The following RRP1B variants were observed in gnomAD, a reference collection of about 807,000 sequenced individuals.
RRP1B encodes the protein ribosomal RNA processing 1B, also known as ribosomal RNA processing protein 1 homolog B.
RRP1B carries 56 observed loss-of-function variants against 80.2 expected under a neutral mutation model. The ratio of observed to expected loss-of-function variants is 0.70; its 90% CI spans 0.56 to 0.87. The LOEUF (loss-of-function observed/expected upper bound fraction) is 0.87. Ranked by LOEUF, RRP1B falls within the 40% of genes least tolerant of loss-of-function variation. RRP1B has a pLI of 0.00. For missense variants in RRP1B, 807 were observed against 939.8 expected, an observed-to-expected ratio of 0.86 and a Z score of 1.85; for synonymous variants, 351 against 357.6, an observed-to-expected ratio of 0.98 and a Z score of 0.21.
intron 9 of RRP1B, among the ~76,000 whole-genome samples, chr21:43,684,030 A>T (rs1429184392): frequency 7.1e-6 from 1 of 139,904 alleles, no homozygotes; most frequent in Non-Finnish European, 1.5e-5. Context: ...CTCTATCACA[A>T]TTTTTTTTTT....
At chr21:43,692,205 C>T (rs1406346909) in intron 15 of RRP1B, among the ~76,000 whole-genome samples, 3 of 152,364 alleles carry the variant, frequency 2.0e-5, no homozygotes, top group Admixed American at 2.0e-4. Context: ...ACTTCGGAAC[C>T]ACTTGCTTCT....
Position 43,691,927 on chromosome 21 carries a change from G to A in RRP1B, c.2083+425G>A, listed in dbSNP as rs925905267. ...CTCCCAAAGATCTGGGATTACAAGC[G>A]TGAGCCACCGAGCCCGGCCCCTCAC... is the stretch of plus-strand genomic sequence containing the variant. On this transcript the variant is annotated intron_variant, in intron 15 of 15. Transcript: ENST00000340648. The surrounding 1 kb of genome is among the most constrained non-coding windows in gnomAD (Gnocchi z 4.2). 1.3e-5 allele frequency among the ~76,000 whole-genome samples: 2 copies of A among 152,044 alleles called. No individual in the cohort carries two copies. The highest frequency in any genetic ancestry group is 2.9e-5 in the Non-Finnish European group (2 of 68,002).
chr21:43,683,205 G>A lies in RRP1B; in HGVS notation c.797-74G>A, dbSNP rs936084271. 1.1e-5 allele frequency: 14 copies of A among 1,227,644 alleles called. No homozygotes were observed. The African/African-American group carries it at 2.0e-4, about 17-fold the overall frequency. 76.0% of individuals were successfully genotyped at this position (1,227,644 alleles called of 1,614,324 possible). A position where few individuals can be genotyped will look rare whatever the true frequency, so the allele number is the denominator to read the frequency against. On this transcript the variant is annotated intron_variant, in intron 8 of 15. Transcript: ENST00000340648. ...TTGCTAAGAGACACCTAATTAGACA[G>A]TGGCTCCTGTGGAAGTAGTCACTTC...
intron 8 of RRP1B, among the ~76,000 whole-genome samples, chr21:43,681,999 A>C (rs936404938): frequency 3.4e-5 from 5 of 149,244 alleles, no homozygotes; most frequent in Admixed American, 2.0e-4. Flanking sequence ...AGGTGTGGAG[A>C]CTCATGCCTA....
intron 13 of RRP1B, 25 bp downstream of exon 13, chr21:43,688,265 A>G: frequency 6.7e-7 from 1 of 1,501,864 alleles, no homozygotes; most frequent in Non-Finnish European, 8.9e-7. Flanking sequence ...CCCACAGGCC[A>G]GCTCGCCACA....
At chr21:43,667,598 G>A (rs2082983492) in intron 1 of RRP1B, among the ~76,000 whole-genome samples, 1 of 152,104 alleles carries the variant, frequency 6.6e-6, no homozygotes, top group South Asian at 2.1e-4. Flanking sequence ...TATGATCCTT[G>A]CCCAAAGCCT....
chr21:43,673,917 A>G lies in RRP1B; in HGVS notation c.319A>G (p.Lys107Glu), dbSNP rs2083010302. 2.5e-6 allele frequency: 4 copies of G among 1,613,770 alleles called. No individual in the cohort carries two copies. In the South Asian group the frequency reaches 4.4e-5, roughly 18 times the overall value. Residue 107 changes from lysine to glutamate, a missense_variant, in exon 4 of 16, where the codon AAA becomes GAA. By Grantham distance (56) the Lys-to-Glu change is moderately conservative (BLOSUM62 1). Transcript: ENST00000340648. ...TTGGCAAACCATGAATCGAGAATGG[A>G]AAGGAATAGACAGGCTACGCCTGGA... ...TFWQTMNREWKGIDRLRLDKY... is the reference protein window; with the variant it reads ...TFWQTMNREWEGIDRLRLDKY...
At position 43,659,849 on chromosome 21, in the gene RRP1B, G is replaced by GGGGCTA; in HGVS notation, c.130+60_130+65dup. The GGGGCTA allele has an allele frequency of 6.9e-7, 1 of 1,456,832 alleles. No homozygotes were observed. The highest frequency in any genetic ancestry group is 9.1e-7 in the Non-Finnish European group (1 of 1,097,692). The allele number at this position is 1,456,832 out of a possible 1,614,324, so 90.2% of individuals were successfully genotyped here. A position where few individuals can be genotyped will look rare whatever the true frequency, so the allele number is the denominator to read the frequency against. ...ACATGGCGGGCCGGGGGCCGGGGCT[G>GGGGCTA]GGGCTAGGGCCAGGGCCCCGGCACG... On this transcript the variant is annotated intron_variant, in intron 1 of 15. Coordinates refer to ENST00000340648, the MANE Select transcript of RRP1B (RefSeq NM_015056.3). The surrounding 1 kb of genome is among the most constrained non-coding windows in gnomAD (Gnocchi z 4.2).
chr21:43,687,948 G>A lies in RRP1B; in HGVS notation c.1574G>A (p.Arg525Gln), dbSNP rs368552430. Residue 525 changes from arginine to glutamine, a missense_variant, in exon 13 of 16, where the codon CGG (arginine) becomes CAG (glutamine). Arg to Gln is a conservative substitution (Grantham distance 43). Transcript: ENST00000340648. ...TGGAQLLKRK[R>Q]KLGVVPVNGS... ...GGAGCCCAACTCCTAAAAAGGAAGC[G>A]GAAACTTGGAGTTGTGCCCGTCAAT... 37 of 1,613,140 alleles carry A rather than the reference G, an allele frequency of 2.3e-5. No individual in the cohort carries two copies. The highest frequency in any genetic ancestry group is 1.6e-4 in the Middle Eastern group (1 of 6,084).
chr21:43,683,390 G>T lies in RRP1B; in HGVS notation c.891+17G>T. ...CTTCTCCAGGTGGGTAGCAGTTGTT[G>T]CTTTTTATAGAATATAGATTTGCTG... is the stretch of plus-strand genomic sequence containing the variant. On this transcript the variant is annotated intron_variant, in intron 9 of 15. Coordinates refer to ENST00000340648, the MANE Select transcript of RRP1B (RefSeq NM_015056.3). The T allele has an allele frequency of 6.3e-7, 1 of 1,595,552 alleles. No individual in the cohort carries two copies. The highest frequency in any genetic ancestry group is 8.6e-7 in the Non-Finnish European group (1 of 1,163,310).
intron 1 of RRP1B, among the ~76,000 whole-genome samples, chr21:43,666,310 C>T (rs915428232): frequency 1.3e-5 from 2 of 152,242 alleles, no homozygotes; most frequent in African/African-American, 4.8e-5. Context: ...CAGGTGGAGC[C>T]TGTCTGAGAA....
intron 2 of RRP1B, among the ~76,000 whole-genome samples, chr21:43,671,367 CTTTTTTT>C (rs1021875194): frequency 5.4e-4 from 70 of 128,782 alleles, no homozygotes; most frequent in Non-Finnish European, 1.0e-3. Context: ...ATGAAGTTTT[CTTTTTTT>C]TTTTTTTTTT....
In RRP1B at chr21:43,676,837, G is replaced by A; in HGVS notation, c.719G>A (p.Gly240Asp). 6.2e-7 allele frequency: 1 copy of A among 1,614,240 alleles called. No individual in the cohort carries two copies. Among genetic ancestry groups the A allele is most frequent in the Non-Finnish European group, 8.5e-7 (1 of 1,180,022 alleles). The change falls in exon 8 of 16, where the codon GGT becomes GAT. Residue 240 changes from glycine (G) to aspartate (D), a missense_variant. Gly to Asp is a moderately conservative substitution (Grantham distance 94). Transcript: ENST00000340648. ...ETMEEQKTKV[G>D]DGDLSAEEIP... is the part of the protein sequence containing the mutation. ...ATGGAGGAACAGAAGACAAAAGTGG[G>A]TGATGGTGACCTCTCTGCTGAGGAG...
intron 10 of RRP1B, 49 bp from the exon 11 acceptor site, chr21:43,685,721 G>T (rs1327846797): frequency 3.0e-6 from 4 of 1,327,066 alleles, no homozygotes; most frequent in South Asian, 3.1e-5. Flanking sequence ...ATTTCTTTAT[G>T]AACATTTGTT....
intron 8 of RRP1B, among the ~76,000 whole-genome samples, chr21:43,679,769 G>A (rs1464794379): frequency 6.6e-6 from 1 of 152,160 alleles, no homozygotes; most frequent in Non-Finnish European, 1.5e-5. Flanking sequence ...CCGTGAGCAT[G>A]GGATGTGCTT....
intron 8 of RRP1B, among the ~76,000 whole-genome samples, chr21:43,677,782 C>T (rs992110550): frequency 3.3e-5 from 5 of 152,132 alleles, no homozygotes; most frequent in Admixed American, 6.5e-5. Context: ...TCCTGAGTTA[C>T]TTCACTTAGA....
At chr21:43,690,526 C>G in intron 14 of RRP1B, 86 bp downstream of exon 14, 2 of 1,479,460 alleles carry the variant, frequency 1.4e-6, no homozygotes, top group Non-Finnish European at 1.9e-6. Context: ...CATGCCGGGC[C>G]TGGAGCCCCA....
chr21:43,677,378 A>G (rs763756740), intron 8 of RRP1B, among the ~76,000 whole-genome samples: 3 of 152,196 alleles, frequency 2.0e-5, no homozygotes, highest in Non-Finnish European at 4.4e-5. Flanking sequence ...CCTACTGTGT[A>G]CTGACATAAT....
At chr21:43,676,567 G>A (rs2838346) in intron 7 of RRP1B, among the ~76,000 whole-genome samples, 166 bp from the exon 8 acceptor site, 14,259 of 152,292 alleles carry the variant, frequency 0.094, 2,224 homozygotes, top group African/African-American at 0.32. Context: ...TGGGCGTCCC[G>A]TGCCTGTCGG....
Sources: gnomAD v4.1 joint callset for allele counts (sites outside exome capture counted in the v4.1 genomes callset) on GRCh38, gnomAD v4.1.1 for gene constraint, Gnocchi (gnomAD v3.1) non-coding constraint, MANE v1.5 for transcripts, NCBI Gene and HGNC (gene_info 2026-07-23, HGNC 2026-07-21) for gene names.